Variants in GRM5 observed in about 807,000 individuals in gnomAD.
The protein encoded by GRM5 is metabotropic glutamate receptor 5.
In GRM5, 19 loss-of-function variants were observed where a neutral mutation model predicts 83.1. The observed-to-expected ratio is 0.23, with a 90% confidence interval of 0.16 to 0.34. The LOEUF (loss-of-function observed/expected upper bound fraction) is 0.34. Ranked by LOEUF, GRM5 falls within the 10% of genes least tolerant of loss-of-function variation. The pLI is 1.00. For missense variants in GRM5, 1,160 were observed against 1,588.3 expected, an observed-to-expected ratio of 0.73 and a Z score of 4.58; for synonymous variants, 675 against 633.6, an observed-to-expected ratio of 1.07 and a Z score of -0.98.
At chr11:88,799,878 A>G (rs1943355839) in intron 3 of GRM5, among the ~76,000 whole-genome samples, 1 of 152,152 alleles carries the variant, frequency 6.6e-6, no homozygotes, top group Admixed American at 6.6e-5. Context: ...AGCACATATC[A>G]ATAATCCCAA....
intron 2 of GRM5, among the ~76,000 whole-genome samples, chr11:88,853,196 C>A (rs770185077): frequency 4.6e-5 from 7 of 152,230 alleles, no homozygotes; most frequent in South Asian, 2.1e-4. Flanking sequence ...TCGTAGCTCA[C>A]GCTACTTACA....
chr11:88,696,941 T>A (rs560645972), intron 3 of GRM5, among the ~76,000 whole-genome samples: 1 of 152,344 alleles, frequency 6.6e-6, no homozygotes, highest in South Asian at 2.1e-4. Context: ...TGATGCTGTA[T>A]CTCTGTGTAT....
intron 3 of GRM5, among the ~76,000 whole-genome samples, chr11:88,779,328 C>A (rs1942925733): frequency 6.6e-6 from 1 of 152,090 alleles, no homozygotes; most frequent in South Asian, 2.1e-4. Context: ...TCTGGCAGAA[C>A]CTAGCATGGT....
intron 2 of GRM5, among the ~76,000 whole-genome samples, chr11:88,870,973 A>G (rs1944757719): frequency 6.6e-6 from 1 of 151,650 alleles, no homozygotes; most frequent in Non-Finnish European, 1.5e-5. Context: ...TGGATGGTGG[A>G]TATGCTAAAT....
intron 8 of GRM5, among the ~76,000 whole-genome samples, chr11:88,536,773 T>C (rs1173435524): frequency 2.0e-5 from 3 of 152,192 alleles, no homozygotes; most frequent in African/African-American, 4.8e-5. Flanking sequence ...GCACATTGCA[T>C]CTTATTCTAC....
At chr11:88,853,840 A>G (rs1426399733) in intron 2 of GRM5, among the ~76,000 whole-genome samples, 3 of 151,504 alleles carry the variant, frequency 2.0e-5, no homozygotes, top group Non-Finnish European at 3.0e-5. Flanking sequence ...AGTTCTTTAT[A>G]TGCTACTCTT....
At chr11:88,554,573 C>T (rs1401857402) in intron 8 of GRM5, among the ~76,000 whole-genome samples, 4 of 152,138 alleles carry the variant, frequency 2.6e-5, no homozygotes, top group Non-Finnish European at 5.9e-5. Context: ...TACAGCAATT[C>T]TACATGATGA....
chr11:88,716,925 T>A (rs1039787001), intron 3 of GRM5, among the ~76,000 whole-genome samples: 3 of 151,682 alleles, frequency 2.0e-5, no homozygotes, highest in African/African-American at 7.3e-5. Flanking sequence ...TGCCCCACTG[T>A]TTTATTTGGT....
intron 3 of GRM5, among the ~76,000 whole-genome samples, chr11:88,757,073 C>T (rs984666721): frequency 2.0e-5 from 3 of 151,848 alleles, no homozygotes; most frequent in Admixed American, 6.6e-5. Flanking sequence ...AAGGGGTCCT[C>T]AAAAATAATA....
intron 2 of GRM5, among the ~76,000 whole-genome samples, chr11:88,892,154 G>GTTT: frequency 3.6e-5 from 1 of 27,660 alleles, no homozygotes; most frequent in African/African-American, 9.0e-5. Context: ...GCCACAAGAA[G>GTTT]TCTTTTTTTT....
intron 3 of GRM5, among the ~76,000 whole-genome samples, chr11:88,812,755 G>C (rs1205519746): frequency 1.3e-5 from 2 of 152,020 alleles, no homozygotes; most frequent in African/African-American, 4.8e-5. Flanking sequence ...CAAAACCCAG[G>C]TTTTAACACA....
intron 3 of GRM5, among the ~76,000 whole-genome samples, chr11:88,801,186 A>T (rs1943386397): frequency 6.6e-6 from 1 of 152,132 alleles, no homozygotes; most frequent in Non-Finnish European, 1.5e-5. Flanking sequence ...TTCTCCTAAA[A>T]TGTATAAATA....
At chr11:88,931,645 A>G (rs1937709383) in intron 2 of GRM5, among the ~76,000 whole-genome samples, 1 of 152,218 alleles carries the variant, frequency 6.6e-6, no homozygotes, top group South Asian at 2.1e-4. Context: ...AAAAGAGATA[A>G]AATACAGTTG....
chr11:88,626,898 G>C (rs1380066232), intron 4 of GRM5, among the ~76,000 whole-genome samples: 2 of 152,148 alleles, frequency 1.3e-5, no homozygotes, highest in Non-Finnish European at 2.9e-5. Context: ...CTGTCTGTAG[G>C]CTGGAAAATG....
intron 3 of GRM5, among the ~76,000 whole-genome samples, chr11:88,656,455 C>A (rs772273833): frequency 1.3e-5 from 2 of 152,120 alleles, no homozygotes; most frequent in Non-Finnish European, 2.9e-5. Context: ...TGCAGTCATT[C>A]ATGGGCATGC....
In GRM5 at chr11:88,986,970, G is replaced by A. The variant is rs142033698; in HGVS notation, c.661+60242C>T. On this transcript the variant is annotated intron_variant, in intron 2 of 9. Coordinates refer to ENST00000305447, the MANE Select transcript of GRM5 (RefSeq NM_001143831.3). ...TGGGAGGCTGAGGTGGGTGGATCAA[G>A]AGGTCAGATCAAGATCATCCTATCG... Among the ~76,000 whole-genome samples the A allele has an allele frequency of 2.7e-3, 413 of 152,134 alleles. 3 individuals carry two copies. Among genetic ancestry groups the A allele is most frequent in the African/African-American group, 9.5e-3 (395 of 41,514 alleles).
At chr11:88,808,479 A>G (rs12295645) in intron 3 of GRM5, among the ~76,000 whole-genome samples, 3,859 of 152,142 alleles carry the variant, frequency 0.025, 170 homozygotes, top group African/African-American at 0.089. Context: ...ATACAGGAAC[A>G]GATAAGCAGA....
chr11:89,058,692 A>C (rs1205507383), intron 1 of GRM5, among the ~76,000 whole-genome samples: 1 of 152,202 alleles, frequency 6.6e-6, no homozygotes, highest in East Asian at 1.9e-4. Flanking sequence ...GAGAAAGACA[A>C]ATTTAAGCTT....
intron 3 of GRM5, among the ~76,000 whole-genome samples, chr11:88,834,106 G>A (rs1412329373): frequency 6.6e-6 from 1 of 152,052 alleles, no homozygotes; most frequent in African/African-American, 2.4e-5. Flanking sequence ...ATATCTATAA[G>A]AGAGAACTTG....
Sources: allele counts gnomAD v4.1 joint callset (sites outside exome capture counted in the v4.1 genomes callset), GRCh38; gene constraint gnomAD v4.1.1; transcripts MANE v1.5; gene names NCBI Gene and HGNC (gene_info 2026-07-23, HGNC 2026-07-21).